CYRIB: variants seen among roughly 807,000 people sequenced by gnomAD.
The protein encoded by CYRIB is CYFIP related Rac1 interactor B.
CYRIB carries 8 observed loss-of-function variants against 44.2 expected under a neutral mutation model. The observed-to-expected ratio is 0.18, with a 90% CI of 0.11 to 0.33. The LOEUF (loss-of-function observed/expected upper bound fraction) is 0.33. Ranked by LOEUF, CYRIB falls within the 10% of genes least tolerant of loss-of-function variation. The probability of loss-of-function intolerance (pLI) is 1.00; values close to 1 mark genes in which losing one functional copy is unlikely to be tolerated. For missense variants in CYRIB, 185 were observed against 382.8 expected (o/e 0.48, Z 4.31); for synonymous variants, 131 against 127.2 (o/e 1.03, Z -0.20).
At chr8:129,868,466 T>C (rs1042226798) in intron 4 of CYRIB, 3 of 152,234 alleles carry the variant, frequency 2.0e-5, no homozygotes, top group Admixed American at 6.5e-5. Context: ...CCCTTATATT[T>C]TGGTGTTCTT....
At chr8:130,013,760 G>T (rs1592584004) in intron 1 of CYRIB, among the ~76,000 whole-genome samples, 1 of 152,314 alleles carries the variant, frequency 6.6e-6, no homozygotes, top group African/African-American at 2.4e-5. Context: ...CAGGGACCAG[G>T]ATTCCACATA....
At chr8:129,936,851 C>T (rs1259064563) in intron 1 of CYRIB, among the ~76,000 whole-genome samples, 3 of 151,910 alleles carry the variant, frequency 2.0e-5, no homozygotes, top group Non-Finnish European at 2.9e-5. Context: ...GGACTACAGG[C>T]GCCCACCACC....
At position 129,861,622 on chromosome 8, in the gene CYRIB, G is replaced by GT. The variant is rs573688560; in HGVS notation, c.301+606dup. Among the ~76,000 whole-genome samples the GT allele has an allele frequency of 7.4e-3, 1,009 of 137,018 alleles. 7 individuals are homozygous for GT. The highest frequency in any genetic ancestry group is 0.018 in the African/African-American group (663 of 37,754). The allele number at this position is 137,018 out of a possible 152,430, so 89.9% of individuals were successfully genotyped here. A position where few individuals can be genotyped will look rare whatever the true frequency, so the allele number is the denominator to read the frequency against. ...CTCAGCTTATTTTTGTTTGTTTGTTGTTTTTTTTTTTTTTGAGACGGGATT... is the reference window on the plus strand; with the variant it reads ...CTCAGCTTATTTTTGTTTGTTTGTTGTTTTTTTTTTTTTTTGAGACGGGATT... On this transcript the variant is annotated intron_variant, in intron 5 of 11. Coordinates refer to ENST00000519824, the Ensembl canonical transcript of CYRIB.
At chr8:129,915,548 G>A (rs550240120) in intron 1 of CYRIB, among the ~76,000 whole-genome samples, 3 of 152,288 alleles carry the variant, frequency 2.0e-5, no homozygotes, top group Non-Finnish European at 2.9e-5. Context: ...GTTGACTGGC[G>A]TCTAGGGGCA....
At chr8:129,933,864 A>G (rs2092250486) in intron 1 of CYRIB, among the ~76,000 whole-genome samples, 1 of 151,498 alleles carries the variant, frequency 6.6e-6, no homozygotes, top group Non-Finnish European at 1.5e-5. Context: ...ACAGGGTGAC[A>G]GAGTAAGACT....
At chr8:129,988,430 G>A (rs2096540836) in intron 1 of CYRIB, among the ~76,000 whole-genome samples, 1 of 152,200 alleles carries the variant, frequency 6.6e-6, no homozygotes, top group Non-Finnish European at 1.5e-5. Flanking sequence ...ACCTGTGAAT[G>A]TTCTTTGACT....
chr8:129,944,721 C>T (rs768409542), upstream of CYRIB, among the ~76,000 whole-genome samples: 5 of 151,624 alleles, frequency 3.3e-5, no homozygotes, highest in Admixed American at 2.0e-4. Context: ...AGGCAGAGGT[C>T]GCAGTGAGCC....
chr8:129,888,435 T>G (rs1422903207), intron 2 of CYRIB, among the ~76,000 whole-genome samples: 1 of 152,144 alleles, frequency 6.6e-6, no homozygotes, highest in Non-Finnish European at 1.5e-5. Flanking sequence ...TCCCACAAAA[T>G]CTTACACAAT....
chr8:129,840,216 G>A (rs887411045), exon 12 of CYRIB: 2 of 154,752 alleles, frequency 1.3e-5, no homozygotes, highest in African/African-American at 4.8e-5. Context: ...ATATTGGTAG[G>A]GTTGGTTCCT....
At chr8:129,869,688 GT>G (rs1392070617) in intron 4 of CYRIB, among the ~76,000 whole-genome samples, 1 of 152,042 alleles carries the variant, frequency 6.6e-6, no homozygotes, top group African/African-American at 2.4e-5. Context: ...AAATCTTAAG[GT>G]TTTACTTAAG....
chr8:129,917,548 A>G (rs138879940), intron 1 of CYRIB, among the ~76,000 whole-genome samples: 6 of 152,250 alleles, frequency 3.9e-5, no homozygotes, highest in African/African-American at 1.4e-4. Context: ...CTTAAAAAAA[A>G]ATTTCCAAGA....
At chr8:129,889,738 A>G (rs1427794457) in intron 2 of CYRIB, among the ~76,000 whole-genome samples, 1 of 152,188 alleles carries the variant, frequency 6.6e-6, no homozygotes, top group Non-Finnish European at 1.5e-5. Flanking sequence ...ATCTTATGAT[A>G]AAAACTTGAG....
intron 1 of CYRIB, among the ~76,000 whole-genome samples, chr8:129,912,816 A>G (rs1589542073): frequency 6.6e-6 from 1 of 152,036 alleles, no homozygotes; most frequent in East Asian, 1.9e-4. Context: ...AAAATGATTC[A>G]GTGAATTCCT....
At chr8:129,847,859 T>C (rs2041043128) in intron 10 of CYRIB, among the ~76,000 whole-genome samples, 1 of 152,198 alleles carries the variant, frequency 6.6e-6, no homozygotes, top group African/African-American at 2.4e-5. Context: ...TGGAGTGTAG[T>C]GGCGCAATCT....
chr8:129,879,518 A>T (rs2133889478), intron 2 of CYRIB, 47 bp from the exon 5 acceptor site: 1 of 1,346,226 alleles, frequency 7.4e-7, no homozygotes, highest in East Asian at 2.3e-5. Context: ...TTTATAAAAA[A>T]GAACATCTGA....
intron 1 of CYRIB, among the ~76,000 whole-genome samples, chr8:129,921,972 G>A (rs2083882649): frequency 6.6e-6 from 1 of 152,000 alleles, no homozygotes; most frequent in South Asian, 2.1e-4. Context: ...GTTCAGGGAA[G>A]AGGTCAGATC....
intron 2 of CYRIB, among the ~76,000 whole-genome samples, chr8:129,900,831 A>G (rs2071273646): frequency 6.6e-6 from 1 of 152,020 alleles, no homozygotes; most frequent in African/African-American, 2.4e-5. Flanking sequence ...AGGTGCGCAC[A>G]ACCATGCCCG....
intron 1 of CYRIB, among the ~76,000 whole-genome samples, chr8:129,934,879 C>T (rs1245980166): frequency 6.6e-6 from 1 of 152,102 alleles, no homozygotes; most frequent in Non-Finnish European, 1.5e-5. Context: ...AGGACTTAGA[C>T]CTTAGTTATA....
chr8:129,871,389 G>A (rs749868718), exon 4 of CYRIB: 1 of 1,606,186 alleles, frequency 6.2e-7, no homozygotes, highest in Non-Finnish European at 8.5e-7. Context: ...CGTATTTCGT[G>A]GCCAGCTCCT....
Sources: gnomAD v4.1 joint callset for allele counts (sites outside exome capture counted in the v4.1 genomes callset) on GRCh38, gnomAD v4.1.1 for gene constraint, MANE v1.5 for transcripts, NCBI Gene and HGNC (gene_info 2026-07-23, HGNC 2026-07-21) for gene names.